Variants in PLCB1 observed in about 807,000 individuals in gnomAD.
The protein encoded by PLCB1 is 1-phosphatidylinositol 4,5-bisphosphate phosphodiesterase beta-1.
PLCB1 carries 46 observed loss-of-function variants against 161.8 expected under a neutral mutation model. The observed-to-expected ratio is 0.28, with a 90% CI of 0.22 to 0.36. The LOEUF is 0.36. Ranked by LOEUF, PLCB1 falls within the 10% of genes least tolerant of loss-of-function variation. PLCB1 has a pLI of 1.00. For missense variants in PLCB1, 1,016 were observed against 1,472.5 expected (o/e 0.69, Z 5.07); for synonymous variants, 517 against 503.7 (o/e 1.03, Z -0.35).
rs1332561977 is a variant in PLCB1 at position 8,742,824 on chromosome 20, G to T, written c.2523+1251G>T. ...AATGCTGCACTATTTTATTTTATTT[G>T]TGGGTACATAGTAGGTATATATGTT... On this transcript the variant is annotated intron_variant, in intron 23 of 31. Coordinates refer to ENST00000338037, the MANE Select transcript of PLCB1 (RefSeq NM_015192.4). Among the ~76,000 whole-genome samples, 5 of 152,086 alleles carry T rather than the reference G, an allele frequency of 3.3e-5. No individual in the cohort carries two copies. The South Asian group carries it at 1.0e-3, about 32-fold the overall frequency.
intron 31 of PLCB1, among the ~76,000 whole-genome samples, chr20:8,810,723 G>C (rs949001999): frequency 8.5e-5 from 13 of 152,130 alleles, no homozygotes; most frequent in African/African-American, 3.1e-4. Context: ...CAGCACTTTG[G>C]GAGGGCGAGT....
intron 7 of PLCB1, chr20:8,650,077 T>TA (rs1196052029): frequency 6.6e-6 from 1 of 152,190 alleles, no homozygotes; most frequent in Non-Finnish European, 1.5e-5. Flanking sequence ...CCTAATCAGG[T>TA]AATATTTTTA....
chr20:8,868,656 G>A (rs952732744), intron 31 of PLCB1, among the ~76,000 whole-genome samples: 4 of 152,104 alleles, frequency 2.6e-5, no homozygotes, highest in Non-Finnish European at 4.4e-5. Context: ...TTTTGAGACA[G>A]CATCTCACTC....
intron 3 of PLCB1, among the ~76,000 whole-genome samples, chr20:8,391,732 T>C (rs1987589673): frequency 6.7e-6 from 1 of 148,874 alleles, no homozygotes; most frequent in Non-Finnish European, 1.5e-5. Context: ...TGTATTCTTC[T>C]TAATGTTCTG....
At chr20:8,828,857 A>T (rs1475017682) in intron 31 of PLCB1, among the ~76,000 whole-genome samples, 2 of 152,190 alleles carry the variant, frequency 1.3e-5, no homozygotes, top group Non-Finnish European at 2.9e-5. Flanking sequence ...CTTAGGGGAC[A>T]CCCAGGGAAT....
At chr20:8,638,137 G>A (rs989804532) in intron 4 of PLCB1, among the ~76,000 whole-genome samples, 3 of 152,044 alleles carry the variant, frequency 2.0e-5, no homozygotes, top group Admixed American at 6.6e-5. Context: ...CTCACAATCC[G>A]CCCACCTCGG....
chr20:8,283,062 G>A (rs941117206), intron 2 of PLCB1, among the ~76,000 whole-genome samples: 1 of 152,106 alleles, frequency 6.6e-6, no homozygotes, highest in Non-Finnish European at 1.5e-5. Flanking sequence ...GATCTAAGAT[G>A]GCTGCTTCAG....
At chr20:8,557,715 T>C (rs1159237116) in intron 3 of PLCB1, among the ~76,000 whole-genome samples, 4 of 152,002 alleles carry the variant, frequency 2.6e-5, no homozygotes, top group Non-Finnish European at 5.9e-5. Flanking sequence ...GCTATCTATA[T>C]TTTATCACAA....
rs1219263746 is a variant in PLCB1, at chr20:8,511,211, T to C, written c.247-117083T>C. On this transcript the variant is annotated intron_variant, in intron 3 of 31. Coordinates refer to ENST00000338037, the MANE Select transcript of PLCB1 (RefSeq NM_015192.4). ...TTTTAGATTCCACATATAAGTGAAA[T>C]CATAACAGTATTTACTTATCTTTCT... is the stretch of plus-strand genomic sequence containing the variant. 2.6e-5 allele frequency among the ~76,000 whole-genome samples: 4 copies of C among 152,112 alleles called. No homozygotes were observed. In the East Asian group the frequency reaches 7.7e-4, roughly 29 times the overall value.
intron 31 of PLCB1, among the ~76,000 whole-genome samples, chr20:8,865,095 A>G (rs1987382012): frequency 6.6e-6 from 1 of 152,218 alleles, no homozygotes; most frequent in Non-Finnish European, 1.5e-5. Flanking sequence ...CACTGCGGCC[A>G]TAGATTCTGT....
At chr20:8,354,240 A>G (rs962632048) in intron 2 of PLCB1, among the ~76,000 whole-genome samples, 1 of 152,154 alleles carries the variant, frequency 6.6e-6, no homozygotes, top group African/African-American at 2.4e-5. Context: ...TGTAATTTGT[A>G]TCGTGTATTT....
At chr20:8,286,925 T>G (rs1229783670) in intron 2 of PLCB1, among the ~76,000 whole-genome samples, 1 of 152,178 alleles carries the variant, frequency 6.6e-6, no homozygotes, top group Non-Finnish European at 1.5e-5. Flanking sequence ...AAATTATCAG[T>G]GGACTTTTGT....
At chr20:8,352,685 T>C (rs1986220161) in intron 2 of PLCB1, among the ~76,000 whole-genome samples, 1 of 152,082 alleles carries the variant, frequency 6.6e-6, no homozygotes, top group Non-Finnish European at 1.5e-5. Context: ...GAATGGAATC[T>C]GTGAAACTGA....
At chr20:8,287,435 C>A (rs938244713) in intron 2 of PLCB1, among the ~76,000 whole-genome samples, 3 of 152,056 alleles carry the variant, frequency 2.0e-5, no homozygotes, top group African/African-American at 7.3e-5. Context: ...CCCCCAATAC[C>A]TCATCTTGTC....
At chr20:8,816,079 G>A (rs1241736245) in intron 31 of PLCB1, among the ~76,000 whole-genome samples, 1 of 152,122 alleles carries the variant, frequency 6.6e-6, no homozygotes, top group African/African-American at 2.4e-5. Context: ...CAGTGTATAA[G>A]AGAGCAATAA....
chr20:8,676,986 G>A (rs1180668497), intron 9 of PLCB1, among the ~76,000 whole-genome samples: 3 of 152,062 alleles, frequency 2.0e-5, no homozygotes, highest in East Asian at 1.9e-4. Context: ...ACATAAACTG[G>A]CTGTTAAACA....
chr20:8,552,347 T>C (rs1243189237), intron 3 of PLCB1, among the ~76,000 whole-genome samples: 8 of 152,224 alleles, frequency 5.3e-5, no homozygotes, highest in Admixed American at 2.6e-4. Flanking sequence ...TTTAACTCAG[T>C]CTTTAGTATT....
chr20:8,528,811 C>A (rs6118234), intron 3 of PLCB1, among the ~76,000 whole-genome samples: 14,790 of 151,742 alleles, frequency 0.097, 881 homozygotes, highest in East Asian at 0.22. Flanking sequence ...AATCATTAGA[C>A]CCTTTTATGA....
chr20:8,824,253 C>T (rs1985579987), intron 31 of PLCB1, among the ~76,000 whole-genome samples: 1 of 152,058 alleles, frequency 6.6e-6, no homozygotes, highest in Admixed American at 6.6e-5. Context: ...GAATCAATGT[C>T]AGCTGGATAC....
Sources: allele counts gnomAD v4.1 joint callset (sites outside exome capture counted in the v4.1 genomes callset), GRCh38; gene constraint gnomAD v4.1.1; transcripts MANE v1.5; gene names NCBI Gene and HGNC (gene_info 2026-07-23, HGNC 2026-07-21).